Variants in URB1 observed in about 807,000 individuals in gnomAD.
URB1 encodes the protein URB1 ribosome biogenesis factor.
Under a neutral mutation model 242.3 loss-of-function variants are expected in URB1, and 197 were observed. The observed-to-expected ratio is 0.81, with a 90% CI of 0.72 to 0.91. The LOEUF (loss-of-function observed/expected upper bound fraction) is 0.91, where lower values mean the gene tolerates loss of function less well. Among genes scored for constraint, URB1 ranks in the 40% least tolerant of loss-of-function variants. The pLI is 0.00. For missense variants in URB1, 2,721 were observed against 2,860.5 expected, an observed-to-expected ratio of 0.95 and a Z score of 1.11; for synonymous variants, 1,153 against 1,201.8, an observed-to-expected ratio of 0.96 and a Z score of 0.84.
chr21:32,359,056 G>A (rs2033256195), intron 14 of URB1, among the ~76,000 whole-genome samples: 1 of 152,200 alleles, frequency 6.6e-6, no homozygotes, highest in Non-Finnish European at 1.5e-5. Context: ...CATAGTCCCA[G>A]AGGCACAGCA....
At chr21:32,337,646 T>G in intron 26 of URB1, 132 bp from the exon 27 acceptor site, 1 of 634,182 alleles carries the variant, frequency 1.6e-6, no homozygotes, top group South Asian at 2.3e-5. Context: ...GTGTTTGGAC[T>G]GCCATCTAAT....
chr21:32,360,253 A>G (rs2033268483), intron 13 of URB1, among the ~76,000 whole-genome samples: 1 of 152,194 alleles, frequency 6.6e-6, no homozygotes, highest in South Asian at 2.1e-4. Flanking sequence ...GACTCCCCAG[A>G]CAGCAAGCAT....
chr21:32,365,713 C>T (rs55812260), intron 10 of URB1, among the ~76,000 whole-genome samples: 5,134 of 152,284 alleles, frequency 0.034, 101 homozygotes, highest in East Asian at 0.061. Flanking sequence ...ATGCTCAGCA[C>T]AAACCCTGGA....
At chr21:32,332,064 G>C (rs193235430) in intron 30 of URB1, among the ~76,000 whole-genome samples, 1 of 152,192 alleles carries the variant, frequency 6.6e-6, no homozygotes, top group African/African-American at 2.4e-5. Context: ...AGTCACAAGC[G>C]GGACAGATGG....
chr21:32,391,045 C>G (rs1009547924), intron 1 of URB1, among the ~76,000 whole-genome samples: 1 of 152,068 alleles, frequency 6.6e-6, no homozygotes, highest in East Asian at 1.9e-4. Context: ...CCATAAAAAA[C>G]GATGAGTTCA....
intron 30 of URB1, among the ~76,000 whole-genome samples, chr21:32,328,350 C>T (rs1379198365): frequency 5.9e-5 from 9 of 152,274 alleles, no homozygotes; most frequent in Non-Finnish European, 2.9e-5. Flanking sequence ...GTTGGCCAGG[C>T]TGGTTTCAAA....
rs1011698621 is a variant in URB1 at position 32,319,179 on chromosome 21, G to A, written c.5792+38C>T. 9.2e-6 allele frequency: 14 copies of A among 1,525,052 alleles called. No individual in the cohort carries two copies. In the Middle Eastern group the frequency reaches 6.0e-4, roughly 65 times the overall value. The allele number at this position is 1,525,052 out of a possible 1,614,324, so 94.5% of individuals were successfully genotyped here. A position where few individuals can be genotyped will look rare whatever the true frequency, so the allele number is the denominator to read the frequency against. On this transcript the variant is annotated intron_variant, in intron 36 of 38. Transcript: ENST00000382751. ...GGTGGCAGACCAACACAGCATCCAA[G>A]AGGCCAGAAGGGCCCCCCTGGCGGG...
intron 18 of URB1, among the ~76,000 whole-genome samples, chr21:32,353,544 A>G (rs1859682483): frequency 6.6e-6 from 1 of 152,182 alleles, no homozygotes; most frequent in Admixed American, 6.5e-5. Context: ...CCAACCAATC[A>G]TGCTACTATA....
rs113093753 is a variant in URB1, at chr21:32,331,567, A to C, written c.4960+1750T>G. Among the ~76,000 whole-genome samples the C allele has an allele frequency of 7.1e-3, 1,085 of 152,318 alleles. 13 individuals carry two copies. The highest frequency in any genetic ancestry group is 0.025 in the African/African-American group (1,047 of 41,580). The stretch of plus-strand genomic sequence containing the variant: ...CGTTCCTGGGTTGTCTTCTTGCCTC[A>C]TTTGTCCTAGACTTAGAACTCAAGT... On this transcript the variant is annotated intron_variant, in intron 30 of 38. Transcript: ENST00000382751.
intron 28 of URB1, 23 bp from the exon 29 acceptor site, chr21:32,334,357 A>G: frequency 6.5e-7 from 1 of 1,530,622 alleles, no homozygotes; most frequent in East Asian, 2.5e-5. Flanking sequence ...AAGGGAAAAG[A>G]GACTGGTCAC....
chr21:32,341,143 C>G (rs114814864), intron 25 of URB1, among the ~76,000 whole-genome samples: 130 of 152,188 alleles, frequency 8.5e-4, no homozygotes, highest in African/African-American at 3.0e-3. Flanking sequence ...AGAGTGTTGA[C>G]CTTTGGTTAC....
chr21:32,382,294 T>G (rs2033535537), intron 4 of URB1, among the ~76,000 whole-genome samples: 1 of 152,344 alleles, frequency 6.6e-6, no homozygotes, highest in South Asian at 2.1e-4. Context: ...CACATTCTTT[T>G]TATTAGAAAC....
chr21:32,317,868 A>G lies in URB1; in HGVS notation c.5842T>C (p.Ser1948Pro). The change falls in exon 37 of 39, where the codon TCC (serine) becomes CCC (proline). Residue 1948 changes from serine (S) to proline (P), a missense_variant. Coordinates refer to ENST00000382751, the MANE Select transcript of URB1 (RefSeq NM_014825.3). ...ACAGTGGCCCGGTACCTCAGCACGG[A>G]GTCAAGTGTCCCGAAGAAGTTGGTC... ...QLTNFFGTLD[S>P]VLRYRATVIQ... 3 of 1,551,770 alleles carry G rather than the reference A, an allele frequency of 1.9e-6. No homozygotes were observed. The South Asian group carries it at 3.6e-5, about 18-fold the overall frequency.
In URB1 at chr21:32,347,169, G is replaced by A. The variant is rs1390195141; in HGVS notation, c.3655C>T (p.Leu1219Phe). ...GTGCGCCGGGCCAGGCAGTAGTCAA[G>A]CAGATCAGCCCCGACTGCGGGGGCC... is the stretch of plus-strand genomic sequence containing the variant. ...VLAPAVGADLLDYCLARRTQA... is the reference protein window; with the variant it reads ...VLAPAVGADLFDYCLARRTQA... Residue 1219 changes from leucine (L) to phenylalanine (F), a missense_variant, in exon 22 of 39, where the codon CTT (leucine) becomes TTT (phenylalanine). Leu to Phe is a conservative substitution (Grantham distance 22, BLOSUM62 0). Coordinates refer to ENST00000382751, the MANE Select transcript of URB1 (RefSeq NM_014825.3). 7 of 1,549,182 alleles carry A rather than the reference G, an allele frequency of 4.5e-6. No individual in the cohort carries two copies. The South Asian group carries it at 4.8e-5, about 11-fold the overall frequency.
chr21:32,312,379 T>A lies in URB1; in HGVS notation c.*2539A>T, dbSNP rs922733493. Reference sequence around the variant, plus strand: ...TGAGTTCACCTGGTCCTTCTGTACCTTTGTTAGGATGCTGGGTAAGTTCCC... The same window carrying A: ...TGAGTTCACCTGGTCCTTCTGTACCATTGTTAGGATGCTGGGTAAGTTCCC... On this transcript the variant is annotated 3_prime_UTR_variant, in exon 39 of 39. Coordinates refer to ENST00000382751, the MANE Select transcript of URB1 (RefSeq NM_014825.3). The A allele has an allele frequency of 2.5e-5, 28 of 1,108,936 alleles. No individual in the cohort carries two copies. Among genetic ancestry groups the A allele is most frequent in the Non-Finnish European group, 3.1e-5 (27 of 881,482 alleles). The allele number at this position is 1,108,936 out of a possible 1,614,324, so 68.7% of individuals were successfully genotyped here. A position where few individuals can be genotyped will look rare whatever the true frequency, so the allele number is the denominator to read the frequency against.
intron 8 of URB1, 103 bp from the exon 9 acceptor site, chr21:32,368,701 C>T (rs1220221552): frequency 9.2e-6 from 9 of 977,638 alleles, no homozygotes; most frequent in East Asian, 5.4e-5. Context: ...TCAGTGAACA[C>T]AGCAATAACA....
At chr21:32,324,446 C>CTTCA in intron 32 of URB1, 45 bp downstream of exon 32, 2 of 1,480,032 alleles carry the variant, frequency 1.4e-6, no homozygotes, top group Non-Finnish European at 1.8e-6. Flanking sequence ...ACTTGCTCAG[C>CTTCA]TTCAGCTTTT....
chr21:32,383,612 C>T (rs1158032292), intron 3 of URB1, 58 bp from the exon 4 acceptor site: 9 of 1,468,726 alleles, frequency 6.1e-6, no homozygotes, highest in Non-Finnish European at 8.1e-6. Flanking sequence ...CACAGAGCCG[C>T]CTCACCACAA....
At position 32,347,538 on chromosome 21, in the gene URB1, T is replaced by C; in HGVS notation, c.3286A>G (p.Thr1096Ala). 1 of 1,551,286 alleles carries C rather than the reference T, an allele frequency of 6.4e-7. No homozygotes were observed. The highest frequency in any genetic ancestry group is 1.2e-5 in the South Asian group (1 of 84,030). Residue 1096 changes from threonine to alanine, a missense_variant, in exon 22 of 39, where the codon ACA becomes GCA. Thr to Ala is a moderately conservative substitution (Grantham distance 58). Coordinates refer to ENST00000382751, the MANE Select transcript of URB1 (RefSeq NM_014825.3). ...ELQNRRAGPA[T>A]SPPKTPPQLE... The stretch of plus-strand genomic sequence containing the variant: ...TGCGGCGGGGTCTTTGGTGGTGATG[T>C]GGCCGGGCCCGCCCTCCTGTTCTGA...
Sources: allele counts gnomAD v4.1 joint callset (sites outside exome capture counted in the v4.1 genomes callset), GRCh38; gene constraint gnomAD v4.1.1; transcripts MANE v1.5; gene names NCBI Gene and HGNC (gene_info 2026-07-23, HGNC 2026-07-21).